The following TRPV5 variants were observed in gnomAD, a reference collection of about 807,000 sequenced individuals.
The protein encoded by TRPV5 is calcium transport protein 2.
Under a neutral mutation model 74.1 loss-of-function variants are expected in TRPV5, and 66 were observed. The observed-to-expected ratio is 0.89, with a 90% CI of 0.73 to 1.09. The LOEUF is 1.09. Among genes scored for constraint, TRPV5 ranks in the 50% least tolerant of loss-of-function variants. The probability of loss-of-function intolerance (pLI) is 0.00; values close to 1 mark genes in which losing one functional copy is unlikely to be tolerated. For synonymous variants in TRPV5, 399 were observed against 360.7 expected (o/e 1.11, Z -1.20); for missense variants, 936 against 930.4 (o/e 1.01, Z -0.08).
Position 142,924,377 on chromosome 7 carries a change from T to TAC in TRPV5, c.1122+1151_1122+1152insGT, listed in dbSNP as rs1271854647. ...AGACATATACATGTATATATATACA[T>TAC]ATATATATATATATACATATACATG... is the stretch of plus-strand genomic sequence containing the variant. On this transcript the variant is annotated intron_variant, in intron 8 of 14. Transcript: ENST00000265310. 1.3e-3 allele frequency among the ~76,000 whole-genome samples: 9 copies of TAC among 6,710 alleles called. 2 individuals carry two copies. The highest frequency in any genetic ancestry group is 2.0e-3 in the African/African-American group (9 of 4,614). The allele number at this position is 6,710 out of a possible 152,430, so 4.4% of individuals were successfully genotyped here.
chr7:142,921,705 C>G (rs1347017998), intron 8 of TRPV5, among the ~76,000 whole-genome samples: 1 of 152,182 alleles, frequency 6.6e-6, no homozygotes. Context: ...AAAAATTACT[C>G]TGTACATCCC....
intron 8 of TRPV5, among the ~76,000 whole-genome samples, chr7:142,922,980 T>G (rs1056914841): frequency 1.2e-4 from 19 of 152,202 alleles, no homozygotes; most frequent in African/African-American, 4.6e-4. Flanking sequence ...TTTTGCTACC[T>G]TATACAGAGG....
At position 142,912,750 on chromosome 7, in the gene TRPV5, G is replaced by T. The variant is rs370076422; in HGVS notation, c.1520C>A (p.Ala507Glu). The T allele has an allele frequency of 1.2e-6, 2 of 1,612,566 alleles. No individual in the cohort carries two copies. The highest frequency in any genetic ancestry group is 1.7e-6 in the Non-Finnish European group (2 of 1,178,650). Residue 507 changes from alanine (A) to glutamate (E), a missense_variant and splice_region_variant, in exon 13 of 15, where the codon GCG becomes GAG. Coordinates refer to ENST00000265310, the MANE Select transcript of TRPV5 (RefSeq NM_019841.7). ...MAVVILGFAS[A>E]FYIIFQTEDP... ...CTCTGTCTGGAAAATGATATAGAACGCTGCTCCGCCCAGGAAGAGGACATG... is the reference window on the plus strand; with the variant it reads ...CTCTGTCTGGAAAATGATATAGAACTCTGCTCCGCCCAGGAAGAGGACATG...
intron 9 of TRPV5, 48 bp downstream of exon 9, chr7:142,915,434 T>C (rs1374438686): frequency 2.5e-6 from 4 of 1,612,112 alleles, no homozygotes; most frequent in Non-Finnish European, 2.5e-6. Context: ...CGGTACAGTC[T>C]GGGCCTTAGA....
chr7:142,916,914 T>TA (rs1276416367), intron 8 of TRPV5, among the ~76,000 whole-genome samples: 4 of 151,770 alleles, frequency 2.6e-5, no homozygotes, highest in Admixed American at 1.3e-4. Context: ...TTTTTTGGCT[T>TA]AAAAAATGGT....
Position 142,924,313 on chromosome 7 carries a change from C to CATAT in TRPV5, c.1122+1215_1122+1216insATAT, listed in dbSNP as rs1795940184. 6.6e-4 allele frequency among the ~76,000 whole-genome samples: 16 copies of CATAT among 24,326 alleles called. 1 individual carries two copies. The highest frequency in any genetic ancestry group is 1.3e-3 in the African/African-American group (13 of 9,830). The allele number at this position is 24,326 out of a possible 152,430, so 16.0% of individuals were successfully genotyped here. ...ATGTATATATATACATATATATATACACACATATACATGTATATATATACA... is the reference window on the plus strand; with the variant it reads ...ATGTATATATATACATATATATATACATATACACATATACATGTATATATATACA... On this transcript the variant is annotated intron_variant, in intron 8 of 14. Coordinates refer to ENST00000265310, the MANE Select transcript of TRPV5 (RefSeq NM_019841.7).
chr7:142,915,148 C>A, intron 10 of TRPV5, 102 bp from the exon 11 acceptor site: 1 of 1,535,028 alleles, frequency 6.5e-7, no homozygotes, highest in African/African-American at 1.4e-5. Flanking sequence ...CAGGCTTAGT[C>A]TTTACACCTA....
intron 13 of TRPV5, among the ~76,000 whole-genome samples, chr7:142,911,031 G>A (rs1044877202): frequency 1.3e-5 from 2 of 152,290 alleles, no homozygotes; most frequent in East Asian, 3.9e-4. Context: ...GGAAGGAATT[G>A]GCAGGGGGAA....
At position 142,908,463 on chromosome 7, in the gene TRPV5, C is replaced by T. The variant is rs878862474; in HGVS notation, c.*51G>A. The T allele has an allele frequency of 1.3e-6, 2 of 1,595,356 alleles. No individual in the cohort carries two copies. The highest frequency in any genetic ancestry group is 1.7e-6 in the Non-Finnish European group (2 of 1,166,702). On this transcript the variant is annotated 3_prime_UTR_variant, in exon 15 of 15. Transcript: ENST00000265310. ...CATAGGCAGAGGTCTCCGTCTCTGTCCCCGCCCCCAGGCCAACCGGGAGTA... is the reference window on the plus strand; with the variant it reads ...CATAGGCAGAGGTCTCCGTCTCTGTTCCCGCCCCCAGGCCAACCGGGAGTA...
chr7:142,915,000 T>C lies in TRPV5; in HGVS notation c.1333A>G (p.Thr445Ala). The stretch of plus-strand genomic sequence containing the variant: ...GGCACCACCTCCCCATTGGTGTTGG[T>C]GAGCCGCATCACCATGGTCACCAGC... ...LVLVTMVMRL[T>A]NTNGEVVPMS... Residue 445 changes from threonine (T) to alanine (A), a missense_variant, in exon 11 of 15, where the codon ACC (threonine) becomes GCC (alanine). Physicochemically the swap from Thr to Ala is moderately conservative, Grantham distance 58. Coordinates refer to ENST00000265310, the MANE Select transcript of TRPV5 (RefSeq NM_019841.7). 6.2e-7 allele frequency: 1 copy of C among 1,613,952 alleles called. No individual in the cohort carries two copies. Among genetic ancestry groups the C allele is most frequent in the Non-Finnish European group, 8.5e-7 (1 of 1,179,984 alleles).
chr7:142,915,543 A>G lies in TRPV5; in HGVS notation c.1148T>C (p.Ile383Thr). 6.2e-7 allele frequency: 1 copy of G among 1,614,134 alleles called. No individual in the cohort carries two copies. The highest frequency in any genetic ancestry group is 8.5e-7 in the Non-Finnish European group (1 of 1,180,028). ...LQEAYETRED[I>T]IRLVGELVSI... ...CACCAGCTCCCCCACCAGCCTGATG[A>G]TATCTTCACGTGTCTCATAGGCCTC... Residue 383 changes from isoleucine (I) to threonine (T), a missense_variant, in exon 9 of 15, where the codon ATC becomes ACC. Coordinates refer to ENST00000265310, the MANE Select transcript of TRPV5 (RefSeq NM_019841.7).
rs373365443 is a variant in TRPV5, at chr7:142,928,682, G to T, written c.762+9C>A. On this transcript the variant is annotated intron_variant, in intron 6 of 14. Transcript: ENST00000265310. ...GAAAGACACCTCAGGGATGGGGAGC[G>T]TCTCTTACCACAGTGTTACCCTCCA... 6.2e-7 allele frequency: 1 copy of T among 1,611,886 alleles called. No homozygotes were observed. Among genetic ancestry groups the T allele is most frequent in the Non-Finnish European group, 8.5e-7 (1 of 1,178,922 alleles).
rs367711930 is a variant in TRPV5, at chr7:142,909,649, A to G, written c.1789-53T>C. On this transcript the variant is annotated intron_variant, in intron 13 of 14. Transcript: ENST00000265310. ...AACTCTGAAAGAGCCATGAGGTTCA[A>G]AGAGGCACTGAGGCCACTGATAAAG... The G allele has an allele frequency of 1.5e-4, 239 of 1,583,190 alleles. No individual in the cohort carries two copies. In the African/African-American group the frequency reaches 2.8e-3, roughly 18 times the overall value.
chr7:142,909,557 G>C lies in TRPV5; in HGVS notation c.1828C>G (p.Arg610Gly), dbSNP rs747374052. 1.2e-6 allele frequency: 2 copies of C among 1,613,966 alleles called. No individual in the cohort carries two copies. Among genetic ancestry groups the C allele is most frequent in the African/African-American group, 2.7e-5 (2 of 74,928 alleles). ...ATCCCGGAGCGAGGCCACAGGCAGC[G>C]AGGCAGCTTCCGCTCCAGCATCACT... Reference protein sequence around the residue: ...TTVMLERKLPRCLWPRSGICG... With the variant: ...TTVMLERKLPGCLWPRSGICG... Residue 610 changes from arginine to glycine, a missense_variant, in exon 14 of 15, where the codon CGC becomes GGC. Physicochemically the swap from Arg to Gly is moderately radical, Grantham distance 125. Coordinates refer to ENST00000265310, the MANE Select transcript of TRPV5 (RefSeq NM_019841.7).
intron 8 of TRPV5, among the ~76,000 whole-genome samples, chr7:142,923,597 G>C (rs910051950): frequency 4.6e-5 from 7 of 152,098 alleles, no homozygotes; most frequent in African/African-American, 1.7e-4. Context: ...TCTTCTCTTT[G>C]AGCTGAAGTG....
In TRPV5 at chr7:142,924,265, CATATAT is replaced by C. The variant is rs58526667; in HGVS notation, c.1122+1258_1122+1263del. ...ATATACATATACATGTATATATATA[CATATAT>C]ATATATATACATATACATGTATATA... is the stretch of plus-strand genomic sequence containing the variant. On this transcript the variant is annotated intron_variant, in intron 8 of 14. Coordinates refer to ENST00000265310, the MANE Select transcript of TRPV5 (RefSeq NM_019841.7). 5.0e-3 allele frequency among the ~76,000 whole-genome samples: 512 copies of C among 102,474 alleles called. 17 individuals are homozygous for C. Among genetic ancestry groups the C allele is most frequent in the African/African-American group, 0.023 (483 of 21,088 alleles). 67.2% of individuals were successfully genotyped at this position (102,474 alleles called of 152,430 possible). A position where few individuals can be genotyped will look rare whatever the true frequency, so the allele number is the denominator to read the frequency against.
At position 142,933,632 on chromosome 7, in the gene TRPV5, G is replaced by A. The variant is rs1796137236; in HGVS notation, c.-173C>T. Reference sequence around the variant, plus strand: ...TTGTAGGTGTGTGTGTGTGCATGCAGTATGTGGGTTGTGGGGTGTGCGTGT... The same window carrying A: ...TTGTAGGTGTGTGTGTGTGCATGCAATATGTGGGTTGTGGGGTGTGCGTGT... On this transcript the variant is annotated 5_prime_UTR_variant, in exon 1 of 15. Coordinates refer to ENST00000265310, the MANE Select transcript of TRPV5 (RefSeq NM_019841.7). 4 of 830,318 alleles carry A rather than the reference G, an allele frequency of 4.8e-6. No individual in the cohort carries two copies. The highest frequency in any genetic ancestry group is 7.5e-6 in the Non-Finnish European group (4 of 534,538). 51.4% of individuals were successfully genotyped at this position (830,318 alleles called of 1,614,324 possible).
At chr7:142,915,187 C>A in intron 10 of TRPV5, 120 bp downstream of exon 10, 2 of 1,513,358 alleles carry the variant, frequency 1.3e-6, no homozygotes, top group Non-Finnish European at 1.8e-6. Context: ...ACCTACAAGT[C>A]CACTGGAGAG....
intron 8 of TRPV5, among the ~76,000 whole-genome samples, chr7:142,921,804 G>A (rs930464002): frequency 6.6e-6 from 1 of 152,136 alleles, no homozygotes; most frequent in Admixed American, 6.5e-5. Context: ...GATCTGTCTG[G>A]ACAACCTCAC....
Sources: gnomAD v4.1 joint callset for allele counts (sites outside exome capture counted in the v4.1 genomes callset) on GRCh38, gnomAD v4.1.1 for gene constraint, MANE v1.5 for transcripts, NCBI Gene and HGNC (gene_info 2026-07-23, HGNC 2026-07-21) for gene names.